PLXNB1: variants seen among roughly 807,000 people sequenced by gnomAD.
PLXNB1 encodes plexin B1, also known as plexin-B1.
In PLXNB1, 106 loss-of-function variants were observed where a neutral mutation model predicts 209.4. The observed-to-expected ratio is 0.51, with a 90% CI of 0.43 to 0.59. The LOEUF (loss-of-function observed/expected upper bound fraction) is 0.59, where lower values mean the gene tolerates loss of function less well. PLXNB1 is among the 20% of genes least tolerant of loss of function. The pLI is 0.00. For synonymous variants in PLXNB1, 1,167 were observed against 1,183.2 expected (o/e 0.99, Z 0.28); for missense variants, 2,357 against 2,853.2 (o/e 0.83, Z 3.96).
chr3:48,421,768 G>A lies in PLXNB1; in HGVS notation c.1559C>T (p.Pro520Leu), dbSNP rs747467984. The A allele has an allele frequency of 2.5e-6, 4 of 1,607,984 alleles. No homozygotes were observed. The highest frequency in any genetic ancestry group is 3.4e-6 in the Non-Finnish European group (4 of 1,175,180). The change falls in exon 7 of 38, where the codon CCA (proline) becomes CTA (leucine). Residue 520 changes from proline (P) to leucine (L), a missense_variant. Transcript: ENST00000296440. ...CTGGAAGCTCCATAGCCACTGCTCT[G>A]GGCCCTGGCCCCTCGAGCACTCAGA... is the stretch of plus-strand genomic sequence containing the variant. ...RRSECSRGQG[P>L]EQWLWSFQPE...
At chr3:48,426,936 C>G (rs940841188) in intron 1 of PLXNB1, among the ~76,000 whole-genome samples, 6 of 152,110 alleles carry the variant, frequency 3.9e-5, no homozygotes, top group African/African-American at 1.2e-4. Flanking sequence ...TGAGGATGGG[C>G]AGAGGCCACC....
At chr3:48,407,154 G>T in intron 34 of PLXNB1, 63 bp from the exon 35 acceptor site, 1 of 1,451,850 alleles carries the variant, frequency 6.9e-7, no homozygotes, top group Non-Finnish European at 9.7e-7. Flanking sequence ...CTGTTCGAGT[G>T]ATCAAGTGTC....
chr3:48,404,451 G>A lies in PLXNB1; in HGVS notation c.*35C>T, dbSNP rs2037189424. 2 of 1,463,228 alleles carry A rather than the reference G, an allele frequency of 1.4e-6. No homozygotes were observed. Among genetic ancestry groups the A allele is most frequent in the African/African-American group, 1.4e-5 (1 of 71,886 alleles). The allele number at this position is 1,463,228 out of a possible 1,614,324, so 90.6% of individuals were successfully genotyped here. A position where few individuals can be genotyped will look rare whatever the true frequency, so the allele number is the denominator to read the frequency against. ...CGAGCTTCCAGGGCTGCCCAGGCCA[G>A]GCTGAAGCAACAGCAGGCCGTGGCT... On this transcript the variant is annotated 3_prime_UTR_variant, in exon 38 of 38. Coordinates refer to ENST00000296440, the MANE Select transcript of PLXNB1 (RefSeq NM_001130082.3).
Position 48,420,210 on chromosome 3 carries a change from G to A in PLXNB1, c.2076C>T (p.Pro692=), listed in dbSNP as rs1404397822. ...PDPPARGGPS[P]SPPTAPKALA... ...GGGCTTTGGGGGCTGTGGGTGGGGAGGGGCTGGGTCCACCTCTTGCAGGAG... is the reference window on the plus strand; with the variant it reads ...GGGCTTTGGGGGCTGTGGGTGGGGAAGGGCTGGGTCCACCTCTTGCAGGAG... The change falls in exon 11 of 38, where the codon CCC becomes CCT. Residue 692 remains proline, a synonymous_variant. Coordinates refer to ENST00000296440, the MANE Select transcript of PLXNB1 (RefSeq NM_001130082.3). 1.9e-6 allele frequency: 3 copies of A among 1,558,364 alleles called. No individual in the cohort carries two copies. Among genetic ancestry groups the A allele is most frequent in the Non-Finnish European group, 2.6e-6 (3 of 1,151,322 alleles).
In PLXNB1 at chr3:48,418,261, CAA is replaced by C; in HGVS notation, c.3150_3151del (p.Val1052AspfsTer7). 6.2e-7 allele frequency: 1 copy of C among 1,613,580 alleles called. No individual in the cohort carries two copies. Among genetic ancestry groups the C allele is most frequent in the Non-Finnish European group, 8.5e-7 (1 of 1,180,024 alleles). On this transcript the variant is annotated frameshift_variant, in exon 15 of 38. Coordinates refer to ENST00000296440, the MANE Select transcript of PLXNB1 (RefSeq NM_001130082.3). LOFTEE classifies it high-confidence loss of function. This position sits in a 1 kb window ranked among gnomAD's most constrained non-coding sequence, Gnocchi z 6.6. ...CTCACCACAGGCCTCCCGGGTCACA[CAA>C]CGTGGACGCTCCCCCTCACACCACA...
chr3:48,415,286 G>C lies in PLXNB1; in HGVS notation c.3856C>G (p.Arg1286Gly). The change falls in exon 20 of 38, where the codon CGG (arginine) becomes GGG (glycine). Residue 1286 changes from arginine (R) to glycine (G), a missense_variant. Physicochemically the swap from Arg to Gly is moderately radical, Grantham distance 125. Coordinates refer to ENST00000296440, the MANE Select transcript of PLXNB1 (RefSeq NM_001130082.3). This position sits in a 1 kb window ranked among gnomAD's most constrained non-coding sequence, Gnocchi z 5.0. ...AGCATTCTCGAGACCACGGTCACCC[G>C]GATTCTTGGCGTCTGTACCACGTCC... ...NLDVVQTPRI[R>G]VTVVSRMLQP... 6.2e-7 allele frequency: 1 copy of C among 1,613,582 alleles called. No homozygotes were observed.
Position 48,423,879 on chromosome 3 carries a change from G to A in PLXNB1, c.733C>T (p.Arg245Cys), listed in dbSNP as rs1340882998. The A allele has an allele frequency of 7.4e-6, 12 of 1,613,928 alleles. No individual in the cohort carries two copies. Among genetic ancestry groups the A allele is most frequent in the Non-Finnish European group, 8.5e-6 (10 of 1,180,022 alleles). ...RDLQAQSRAF[R>C]AYVSRVCLRD... ...AGACACACTCGAGATACATAGGCAC[G>A]AAAAGCTCTAGACTGAGCCTGCAGG... Residue 245 changes from arginine (R) to cysteine (C), a missense_variant, in exon 3 of 38, where the codon CGT becomes TGT. Arg to Cys is a radical substitution (Grantham distance 180, BLOSUM62 -3). Transcript: ENST00000296440.
rs750449743 is a variant in PLXNB1 at position 48,416,181 on chromosome 3, A to G, written c.3481-14T>C. Reference sequence around the variant, plus strand: ...GACCTTCGGATCCTGTGGGACAGACAGGGAGAGAGATGAGCATCAGACCAG... The same window carrying G: ...GACCTTCGGATCCTGTGGGACAGACGGGGAGAGAGATGAGCATCAGACCAG... On this transcript the variant is annotated splice_polypyrimidine_tract_variant and intron_variant, in intron 17 of 37. Coordinates refer to ENST00000296440, the MANE Select transcript of PLXNB1 (RefSeq NM_001130082.3). This position sits in a 1 kb window ranked among gnomAD's most constrained non-coding sequence, Gnocchi z 4.1. 50 of 1,575,404 alleles carry G rather than the reference A, an allele frequency of 3.2e-5. No homozygotes were observed. Among genetic ancestry groups the G allele is most frequent in the Non-Finnish European group, 4.2e-5 (49 of 1,158,628 alleles).
intron 27 of PLXNB1, 77 bp downstream of exon 27, chr3:48,412,161 A>G: frequency 6.6e-7 from 1 of 1,525,788 alleles, no homozygotes; most frequent in South Asian, 1.1e-5. Context: ...TCCGAGCTGC[A>G]TGGTGGCTGA....
intron 37 of PLXNB1, 34 bp from the exon 38 acceptor site, chr3:48,404,624 T>C (rs765566479): frequency 2.1e-6 from 3 of 1,458,700 alleles, no homozygotes; most frequent in Non-Finnish European, 2.9e-6. Flanking sequence ...AGGGGAGACT[T>C]CTTTGGCCAA....
Position 48,413,155 on chromosome 3 carries a change from T to C in PLXNB1, c.4550A>G (p.Gln1517Arg). The change falls in exon 24 of 38, where the codon CAG (glutamine) becomes CGG (arginine). Residue 1517 changes from glutamine (Q) to arginine (R), a missense_variant. By Grantham distance (43) the Gln-to-Arg change is conservative (BLOSUM62 1). Transcript: ENST00000296440. The surrounding 1 kb of genome is among the most constrained non-coding windows in gnomAD (Gnocchi z 5.4). ...IVLMYRRKSK[Q>R]ALRDYKKVQI... is the part of the protein sequence containing the mutation. ...AACCTTCTTATAGTCCCTCAGGGCC[T>C]GCTTGCTCTTCCTCCTGCTCAGCCC... is the stretch of plus-strand genomic sequence containing the variant. 1 of 1,612,376 alleles carries C rather than the reference T, an allele frequency of 6.2e-7. No homozygotes were observed. Among genetic ancestry groups the C allele is most frequent in the Non-Finnish European group, 8.5e-7 (1 of 1,179,844 alleles).
intron 4 of PLXNB1, 134 bp from the exon 5 acceptor site, chr3:48,422,593 C>T: frequency 7.8e-7 from 1 of 1,289,322 alleles, no homozygotes. Flanking sequence ...ACCAACTGGC[C>T]TAGCGGGGAT....
intron 2 of PLXNB1, 114 bp from the exon 3 acceptor site, chr3:48,424,731 G>T: frequency 4.5e-6 from 5 of 1,103,028 alleles, no homozygotes; most frequent in Non-Finnish European, 6.3e-6. Flanking sequence ...TAACCTAGGG[G>T]GTGAGCAGAG....
Position 48,416,283 on chromosome 3 carries a change from T to A in PLXNB1, c.3480+63A>T, listed in dbSNP as rs919341434. 1.8e-5 allele frequency: 28 copies of A among 1,559,180 alleles called. No individual in the cohort carries two copies. Among genetic ancestry groups the A allele is most frequent in the Non-Finnish European group, 2.5e-5 (28 of 1,136,560 alleles). On this transcript the variant is annotated intron_variant, in intron 17 of 37. Coordinates refer to ENST00000296440, the MANE Select transcript of PLXNB1 (RefSeq NM_001130082.3). The surrounding 1 kb of genome is among the most constrained non-coding windows in gnomAD (Gnocchi z 4.1). ...CCCCACCAAGGAATAACCAGATGGG[T>A]TGAGAGGAGCCACCAGAGAGGTTGG...
At chr3:48,423,463 G>A (rs1358667044) in intron 3 of PLXNB1, 42 bp downstream of exon 3, 9 of 1,586,180 alleles carry the variant, frequency 5.7e-6, no homozygotes, top group Non-Finnish European at 7.7e-6. Context: ...CTTGGCCAGT[G>A]GCCTCAGAGA....
At chr3:48,407,243 G>C in intron 34 of PLXNB1, 152 bp from the exon 35 acceptor site, 1 of 687,942 alleles carries the variant, frequency 1.5e-6, no homozygotes, top group South Asian at 1.8e-5. Flanking sequence ...CGGAAAACCA[G>C]GACAGGTGGT....
chr3:48,424,046 A>G lies in PLXNB1; in HGVS notation c.566T>C (p.Leu189Pro). Residue 189 changes from leucine to proline, a missense_variant, in exon 3 of 38, where the codon CTG (leucine) becomes CCG (proline). By Grantham distance (98) the Leu-to-Pro change is moderately conservative (BLOSUM62 -3). Transcript: ENST00000296440. The stretch of plus-strand genomic sequence containing the variant: ...GGCAGCTTGGGGGTCGGGCGGCCAC[A>G]GGGCCCGGGTTGTGATGGGTGGAAT... ...GGIPPITTRA[L>P]WPPDPQAAFS... is the part of the protein sequence containing the mutation. 6.3e-7 allele frequency: 1 copy of G among 1,597,114 alleles called. No homozygotes were observed. The highest frequency in any genetic ancestry group is 1.1e-5 in the South Asian group (1 of 89,530).
chr3:48,414,797 A>G lies in PLXNB1; in HGVS notation c.4209+2T>C. ...CCTGCCAGGTCCAAGTAGGAGCTGT[A>G]CCTCCACGGAGAACACACTCCCAGG... On this transcript the variant is annotated splice_donor_variant, in intron 21 of 37. Transcript: ENST00000296440. LOFTEE classifies it high-confidence loss of function. 1 of 1,612,682 alleles carries G rather than the reference A, an allele frequency of 6.2e-7. No individual in the cohort carries two copies. The highest frequency in any genetic ancestry group is 8.5e-7 in the Non-Finnish European group (1 of 1,179,100).
chr3:48,420,811 G>A (rs1405007919), intron 9 of PLXNB1, 37 bp downstream of exon 9: 3 of 1,611,778 alleles, frequency 1.9e-6, no homozygotes, highest in Non-Finnish European at 2.5e-6. Flanking sequence ...GGTCGCCACA[G>A]GGAAGCCCAG....
Sources: allele counts gnomAD v4.1 joint callset (sites outside exome capture counted in the v4.1 genomes callset), GRCh38; gene constraint gnomAD v4.1.1; non-coding constraint Gnocchi (gnomAD v3.1); transcripts MANE v1.5; gene names NCBI Gene and HGNC (gene_info 2026-07-23, HGNC 2026-07-21).